TSPAN17: variants seen among roughly 807,000 people sequenced by gnomAD.
TSPAN17 encodes the protein tetraspanin-17.
TSPAN17 carries 33 observed loss-of-function variants against 40.5 expected under a neutral mutation model. That is an observed-to-expected ratio of 0.81 (90% CI 0.62 to 1.09). The LOEUF (loss-of-function observed/expected upper bound fraction) is 1.09. Among genes scored for constraint, TSPAN17 ranks in the 50% least tolerant of loss-of-function variants. The pLI is 0.00. For missense variants in TSPAN17, 365 were observed against 416.8 expected, an observed-to-expected ratio of 0.88 and a Z score of 1.08; for synonymous variants, 166 against 169.4, an observed-to-expected ratio of 0.98 and a Z score of 0.15.
In TSPAN17 at chr5:176,658,029, T is replaced by G; in HGVS notation, c.*331T>G. The G allele has an allele frequency of 2.4e-5, 5 of 209,806 alleles. No individual in the cohort carries two copies. The highest frequency in any genetic ancestry group is 3.8e-5 in the Non-Finnish European group (4 of 105,534). The allele number at this position is 209,806 out of a possible 1,614,324, so 13.0% of individuals were successfully genotyped here. ...GCTGGGGACTGCGGTGGGAGTAGAG[T>G]GCCCAGGAGAGGGTCTGAGGGGTGG... On this transcript the variant is annotated 3_prime_UTR_variant, in exon 9 of 9. Transcript: ENST00000508164.
At position 176,647,551 on chromosome 5, in the gene TSPAN17, C is replaced by A. The variant is rs564778834; in HGVS notation, c.-65C>A. The A allele has an allele frequency of 3.0e-3, 4,264 of 1,432,568 alleles. 13 individuals carry two copies. Among genetic ancestry groups the A allele is most frequent in the Non-Finnish European group, 3.1e-3 (3,282 of 1,070,814 alleles). 88.7% of individuals were successfully genotyped at this position (1,432,568 alleles called of 1,614,324 possible). A position where few individuals can be genotyped will look rare whatever the true frequency, so the allele number is the denominator to read the frequency against. ...GGCCCCGGGCGGCTCTAGCCCAGGG[C>A]GGCCCGCGGGGCGCTGGGCCTGGCT... On this transcript the variant is annotated 5_prime_UTR_variant, in exon 1 of 9. Transcript: ENST00000508164.
In TSPAN17 at chr5:176,651,946, A is replaced by G. The variant is rs372373916; in HGVS notation, c.285+46A>G. The G allele has an allele frequency of 4.3e-6, 7 of 1,609,392 alleles. No homozygotes were observed. In the African/African-American group the frequency reaches 5.3e-5, roughly 12 times the overall value. On this transcript the variant is annotated intron_variant, in intron 3 of 8. Coordinates refer to ENST00000508164, the MANE Select transcript of TSPAN17 (RefSeq NM_130465.5). This position sits in a 1 kb window ranked among gnomAD's most constrained non-coding sequence, Gnocchi z 4.5. ...CCCCTGGGAACCCCCATCTCCTCCC[A>G]TCCAGTTCTTGCAATACAGTTGGAG...
In TSPAN17 at chr5:176,652,738, C is replaced by T; in HGVS notation, c.286-5C>T. 6.2e-7 allele frequency: 1 copy of T among 1,614,012 alleles called. No individual in the cohort carries two copies. The highest frequency in any genetic ancestry group is 8.5e-7 in the Non-Finnish European group (1 of 1,179,918). Reference sequence around the variant, plus strand: ...AACCCCTACTGTCTGTATGCCCAACCCCAGTTCTCCGTGTTCCTCGGTCTC... The same window carrying T: ...AACCCCTACTGTCTGTATGCCCAACTCCAGTTCTCCGTGTTCCTCGGTCTC... On this transcript the variant is annotated splice_polypyrimidine_tract_variant and splice_region_variant and intron_variant, in intron 3 of 8. Coordinates refer to ENST00000508164, the MANE Select transcript of TSPAN17 (RefSeq NM_130465.5).
Position 176,651,794 on chromosome 5 carries a change from G to A in TSPAN17, c.179G>A (p.Gly60Asp), listed in dbSNP as rs746791263. The change falls in exon 3 of 9, where the codon GGC becomes GAC. Residue 60 changes from glycine (G) to aspartate (D), a missense_variant. Transcript: ENST00000508164. The surrounding 1 kb of genome is among the most constrained non-coding windows in gnomAD (Gnocchi z 4.5). ...ATCTCAGCGCTGACAGATCTGGGAG[G>A]CCTTGACCCCGTGTGGCTGTTTGTG... Reference protein sequence around the residue: ...SNISALTDLGGLDPVWLFVVV... With the variant: ...SNISALTDLGDLDPVWLFVVV... 2 of 1,614,066 alleles carry A rather than the reference G, an allele frequency of 1.2e-6. No homozygotes were observed. The highest frequency in any genetic ancestry group is 1.3e-5 in the African/African-American group (1 of 74,920).
In TSPAN17 at chr5:176,652,344, C is replaced by T. The variant is rs540625858; in HGVS notation, c.286-399C>T. 6.0e-4 allele frequency among the ~76,000 whole-genome samples: 92 copies of T among 152,316 alleles called. 1 individual carries two copies. Among genetic ancestry groups the T allele is most frequent in the African/African-American group, 2.0e-3 (85 of 41,576 alleles). ...TCCCAAAGTGCTTTAATTGCGTTTC[C>T]TTGGCTCTGATTGGCTGCCTCTGGA... On this transcript the variant is annotated intron_variant, in intron 3 of 8. Coordinates refer to ENST00000508164, the MANE Select transcript of TSPAN17 (RefSeq NM_130465.5).
intron 6 of TSPAN17, among the ~76,000 whole-genome samples, chr5:176,656,350 G>A (rs1426902687): frequency 1.3e-5 from 2 of 152,212 alleles, no homozygotes; most frequent in Non-Finnish European, 2.9e-5. Flanking sequence ...TGGGGTGCCC[G>A]GCTTTGCCCT....
At position 176,654,635 on chromosome 5, in the gene TSPAN17, C is replaced by T. The variant is rs1176627576; in HGVS notation, c.457-260C>T. 3 of 484,122 alleles carry T rather than the reference C, an allele frequency of 6.2e-6. No individual in the cohort carries two copies. Among genetic ancestry groups the T allele is most frequent in the Non-Finnish European group, 1.1e-5 (3 of 267,510 alleles). 30.0% of individuals were successfully genotyped at this position (484,122 alleles called of 1,614,324 possible). A position where few individuals can be genotyped will look rare whatever the true frequency, so the allele number is the denominator to read the frequency against. ...AAGCCACAGTCATTGAACCAGTATC[C>T]TTGTCCCACTCCCTCCCTTTTTCTA... On this transcript the variant is annotated intron_variant, in intron 4 of 8. Coordinates refer to ENST00000508164, the MANE Select transcript of TSPAN17 (RefSeq NM_130465.5). This position sits in a 1 kb window ranked among gnomAD's most constrained non-coding sequence, Gnocchi z 4.3.
intron 1 of TSPAN17, among the ~76,000 whole-genome samples, chr5:176,649,081 G>A (rs994008466): frequency 6.6e-6 from 1 of 152,120 alleles, no homozygotes; most frequent in Non-Finnish European, 1.5e-5. Context: ...ATGGAGAAGC[G>A]AGGGCTTCCA....
chr5:176,647,509 C>T lies in TSPAN17; in HGVS notation c.-107C>T, dbSNP rs1016815276. ...GCTCTGTGTGGCCGAGGCCATGAAG[C>T]CGCAGCCGCCCGGCTAGGCCCCGGG... On this transcript the variant is annotated 5_prime_UTR_variant, in exon 1 of 9. Coordinates refer to ENST00000508164, the MANE Select transcript of TSPAN17 (RefSeq NM_130465.5). 4 of 800,898 alleles carry T rather than the reference C, an allele frequency of 5.0e-6. No homozygotes were observed. Among genetic ancestry groups the T allele is most frequent in the Non-Finnish European group, 5.2e-6 (3 of 572,876 alleles). 49.6% of individuals were successfully genotyped at this position (800,898 alleles called of 1,614,324 possible).
rs563009137 is a variant in TSPAN17, at chr5:176,657,575, C to G, written c.867C>G (p.Val289=). Reference sequence around the variant, plus strand: ...GGCTTACGCCCACCATTTCCGAGGTCCTGTCCACGGCGGGGCCTCAGCAGA... The same window carrying G: ...GGCTTACGCCCACCATTTCCGAGGTGCTGTCCACGGCGGGGCCTCAGCAGA... ...NHWLTPTISE[V]LSTAGPQQNS... The change falls in exon 9 of 9, where the codon GTC becomes GTG. Residue 289 remains valine, a synonymous_variant. Coordinates refer to ENST00000508164, the MANE Select transcript of TSPAN17 (RefSeq NM_130465.5). The G allele has an allele frequency of 6.2e-7, 1 of 1,613,620 alleles. No homozygotes were observed. Among genetic ancestry groups the G allele is most frequent in the South Asian group, 1.1e-5 (1 of 91,030 alleles).
Position 176,656,690 on chromosome 5 carries a change from G to A in TSPAN17, c.631-10G>A, listed in dbSNP as rs745782229. ...CAGGTAGGCTGAGCCTGGTGCCTGCGTGTCCCCAGGAGCTGGAGCAGCAGG... is the reference window on the plus strand; with the variant it reads ...CAGGTAGGCTGAGCCTGGTGCCTGCATGTCCCCAGGAGCTGGAGCAGCAGG... On this transcript the variant is annotated splice_polypyrimidine_tract_variant and intron_variant, in intron 6 of 8. Transcript: ENST00000508164. The A allele has an allele frequency of 1.1e-5, 18 of 1,613,360 alleles. No individual in the cohort carries two copies. Among genetic ancestry groups the A allele is most frequent in the South Asian group, 1.1e-5 (1 of 91,084 alleles).
chr5:176,652,026 T>A (rs1174991141), intron 3 of TSPAN17, 126 bp downstream of exon 3: 1 of 1,320,754 alleles, frequency 7.6e-7, no homozygotes, highest in Admixed American at 2.4e-5. Context: ...TAGATTCATG[T>A]TGTCTATATT....
At chr5:176,655,734 C>A (rs868827084) in intron 5 of TSPAN17, among the ~76,000 whole-genome samples, 415 of 125,664 alleles carry the variant, frequency 3.3e-3, no homozygotes, top group Admixed American at 3.9e-3. Context: ...CTCGTGTCTA[C>A]AAAAAAAAAA....
intron 1 of TSPAN17, among the ~76,000 whole-genome samples, chr5:176,649,819 A>G (rs992422617): frequency 6.6e-6 from 1 of 152,000 alleles, no homozygotes; most frequent in Admixed American, 6.5e-5. Flanking sequence ...TGTTCCTTGA[A>G]CTAGACGTGG....
chr5:176,648,949 G>A (rs1343654348), intron 1 of TSPAN17, among the ~76,000 whole-genome samples: 2 of 152,222 alleles, frequency 1.3e-5, no homozygotes, highest in African/African-American at 2.4e-5. Flanking sequence ...CGGCTTAGTG[G>A]GCAGAGGGTG....
chr5:176,652,115 G>C (rs894469849), intron 3 of TSPAN17, among the ~76,000 whole-genome samples: 1 of 152,156 alleles, frequency 6.6e-6, no homozygotes. Context: ...ACTCAAATAA[G>C]AAAAGTCCAG....
Position 176,657,532 on chromosome 5 carries a change from A to T in TSPAN17, c.824A>T (p.Asp275Val), listed in dbSNP as rs760520682. 6.3e-7 allele frequency: 1 copy of T among 1,595,132 alleles called. No homozygotes were observed. Among genetic ancestry groups the T allele is most frequent in the Non-Finnish European group, 8.6e-7 (1 of 1,169,292 alleles). The change falls in exon 9 of 9, where the codon GAT becomes GTT. Residue 275 changes from aspartate (D) to valine (V), a missense_variant. By Grantham distance (152) the Asp-to-Val change is radical. Transcript: ENST00000508164. Reference sequence around the variant, plus strand: ...TTGCCTCTCAGGAGCAAATGGAATGATGACTTTGAAAACCACTGGCTTACG... The same window carrying T: ...TTGCCTCTCAGGAGCAAATGGAATGTTGACTTTGAAAACCACTGGCTTACG... ...AVKANWSKWN[D>V]DFENHWLTPT...
rs370290595 is a variant in TSPAN17 at position 176,651,525 on chromosome 5, C to T, written c.88-91C>T. The stretch of plus-strand genomic sequence containing the variant: ...CAGCCCTTGTGCCTCTTCCTCTCTC[C>T]GCTGGAAAGGCCCTGGCTACCGGGG... On this transcript the variant is annotated intron_variant, in intron 1 of 8. Transcript: ENST00000508164. The surrounding 1 kb of genome is among the most constrained non-coding windows in gnomAD (Gnocchi z 4.5). The T allele has an allele frequency of 1.5e-4, 210 of 1,406,630 alleles. No individual in the cohort carries two copies. The African/African-American group carries it at 2.1e-3, about 14-fold the overall frequency. The allele number at this position is 1,406,630 out of a possible 1,614,324, so 87.1% of individuals were successfully genotyped here. A position where few individuals can be genotyped will look rare whatever the true frequency, so the allele number is the denominator to read the frequency against.
rs1025239209 is a variant in TSPAN17, at chr5:176,651,524, C to T, written c.88-92C>T. Reference sequence around the variant, plus strand: ...ACAGCCCTTGTGCCTCTTCCTCTCTCCGCTGGAAAGGCCCTGGCTACCGGG... The same window carrying T: ...ACAGCCCTTGTGCCTCTTCCTCTCTTCGCTGGAAAGGCCCTGGCTACCGGG... On this transcript the variant is annotated intron_variant, in intron 1 of 8. Coordinates refer to ENST00000508164, the MANE Select transcript of TSPAN17 (RefSeq NM_130465.5). This position sits in a 1 kb window ranked among gnomAD's most constrained non-coding sequence, Gnocchi z 4.5. 1.2e-5 allele frequency: 17 copies of T among 1,398,916 alleles called. No homozygotes were observed. The highest frequency in any genetic ancestry group is 2.5e-5 in the Admixed American group (1 of 40,222). 86.7% of individuals were successfully genotyped at this position (1,398,916 alleles called of 1,614,324 possible). A position where few individuals can be genotyped will look rare whatever the true frequency, so the allele number is the denominator to read the frequency against.
Sources: allele counts gnomAD v4.1 joint callset (sites outside exome capture counted in the v4.1 genomes callset), GRCh38; gene constraint gnomAD v4.1.1; non-coding constraint Gnocchi (gnomAD v3.1); transcripts MANE v1.5; gene names NCBI Gene and HGNC (gene_info 2026-07-23, HGNC 2026-07-21).